Variants in KATNA1 observed in about 807,000 individuals in gnomAD.
KATNA1 encodes katanin catalytic subunit A1.
In KATNA1, 42 loss-of-function variants were observed where a neutral mutation model predicts 62.6. The observed-to-expected ratio is 0.67, with a 90% CI of 0.52 to 0.87. The LOEUF (loss-of-function observed/expected upper bound fraction) is 0.87, where lower values mean the gene tolerates loss of function less well. Among genes scored for constraint, KATNA1 ranks in the 40% least tolerant of loss-of-function variants. KATNA1 has a pLI of 0.00. For synonymous variants in KATNA1, 186 were observed against 201.9 expected, an observed-to-expected ratio of 0.92 and a Z score of 0.67; for missense variants, 498 against 612.5, an observed-to-expected ratio of 0.81 and a Z score of 1.97.
At chr6:149,647,379 G>C (rs1217108036) in intron 1 of KATNA1, among the ~76,000 whole-genome samples, 2 of 151,610 alleles carry the variant, frequency 1.3e-5, no homozygotes, top group Non-Finnish European at 2.9e-5. Context: ...AAAATTTGCC[G>C]CGCGTAGTGG....
rs768988181 is a variant in KATNA1, at chr6:149,632,875, A to G, written c.204T>C (p.Asp68=). The G allele has an allele frequency of 1.2e-6, 2 of 1,611,492 alleles. No individual in the cohort carries two copies. The highest frequency in any genetic ancestry group is 1.7e-5 in the Admixed American group (1 of 59,228). Residue 68 remains aspartate, a synonymous_variant, in exon 3 of 11, where the codon GAT becomes GAC. Coordinates refer to ENST00000367411, the MANE Select transcript of KATNA1 (RefSeq NM_007044.4). ...EINVEAKHVK[D]IMKTLESFKL... ...TAAAGCTCTCTAGTGTTTTCATGAT[A>G]TCTTTAACATGTTTAGCTTCCACAT...
At chr6:149,603,155 C>G (rs910997945) in intron 6 of KATNA1, 113 bp downstream of exon 6, 1 of 550,082 alleles carries the variant, frequency 1.8e-6, no homozygotes, top group Non-Finnish European at 3.3e-6. Flanking sequence ...TTAATTTAAA[C>G]ATTTCCTGAC....
intron 4 of KATNA1, among the ~76,000 whole-genome samples, chr6:149,609,382 G>C (rs1778858421): frequency 6.6e-6 from 1 of 150,562 alleles, no homozygotes; most frequent in Non-Finnish European, 1.5e-5. Context: ...AAAAAAAAAA[G>C]TATTTTTTCA....
intron 1 of KATNA1, 167 bp from the exon 2 acceptor site, chr6:149,638,727 A>AT (rs1780163447): frequency 5.3e-4 from 127 of 241,500 alleles, no homozygotes; most frequent in South Asian, 1.6e-3. Flanking sequence ...TAAAAAAAAC[A>AT]TTGTTTTTTT....
intron 3 of KATNA1, among the ~76,000 whole-genome samples, chr6:149,625,024 C>T (rs1278160834): frequency 1.3e-5 from 2 of 151,834 alleles, no homozygotes; most frequent in Non-Finnish European, 2.9e-5. Flanking sequence ...CAAAAATGAG[C>T]TTAATCCATG....
chr6:149,635,429 A>G (rs968622226), intron 2 of KATNA1, among the ~76,000 whole-genome samples: 1 of 152,240 alleles, frequency 6.6e-6, no homozygotes, highest in African/African-American at 2.4e-5. Context: ...GCCAAGGCCA[A>G]GTGCAGTGGC....
intron 10 of KATNA1, 141 bp from the exon 11 acceptor site, chr6:149,595,375 CTT>C (rs1214296270): frequency 3.7e-6 from 2 of 547,578 alleles, no homozygotes. Context: ...TGTATAGAAA[CTT>C]ATTGGAATAC....
intron 10 of KATNA1, among the ~76,000 whole-genome samples, chr6:149,596,428 G>A (rs752284996): frequency 5.9e-5 from 9 of 152,140 alleles, no homozygotes; most frequent in Non-Finnish European, 1.3e-4. Flanking sequence ...CCAGCTACTC[G>A]GGAGGCTGAG....
chr6:149,633,026 T>C (rs776588328), intron 2 of KATNA1, 110 bp from the exon 3 acceptor site: 42 of 735,728 alleles, frequency 5.7e-5, no homozygotes, highest in Non-Finnish European at 8.3e-5. Flanking sequence ...TGATATCAGA[T>C]ATCCAGTAAA....
At chr6:149,618,022 G>C (rs1430781996) in intron 4 of KATNA1, among the ~76,000 whole-genome samples, 1 of 147,416 alleles carries the variant, frequency 6.8e-6, no homozygotes, top group East Asian at 2.0e-4. Flanking sequence ...GGGCATGGTG[G>C]CACATGCCTG....
intron 2 of KATNA1, among the ~76,000 whole-genome samples, chr6:149,636,603 T>A (rs1780071495): frequency 6.6e-6 from 1 of 151,900 alleles, no homozygotes; most frequent in Admixed American, 6.6e-5. Flanking sequence ...ATCTGAGGTA[T>A]AATATTCTAT....
chr6:149,639,438 A>C (rs534440509), intron 1 of KATNA1, among the ~76,000 whole-genome samples: 3 of 151,534 alleles, frequency 2.0e-5, no homozygotes, highest in Non-Finnish European at 4.4e-5. Context: ...GTCTCTACTA[A>C]AAATACAAAA....
At chr6:149,624,356 C>T (rs1000780954) in intron 3 of KATNA1, among the ~76,000 whole-genome samples, 2 of 152,154 alleles carry the variant, frequency 1.3e-5, no homozygotes, top group African/African-American at 4.8e-5. Flanking sequence ...GTTACTAGAA[C>T]TCATGTTCAG....
At chr6:149,615,534 A>C (rs887679989) in intron 4 of KATNA1, among the ~76,000 whole-genome samples, 2 of 152,134 alleles carry the variant, frequency 1.3e-5, no homozygotes, top group East Asian at 3.9e-4. Context: ...AAAAAGACAG[A>C]TAGGCATATA....
chr6:149,604,833 G>C, intron 4 of KATNA1, 51 bp from the exon 5 acceptor site: 1 of 1,580,776 alleles, frequency 6.3e-7, no homozygotes, highest in Non-Finnish European at 8.6e-7. Context: ...TTTTGTTTCT[G>C]TGAGTCGGAA....
At position 149,626,292 on chromosome 6, in the gene KATNA1, C is replaced by CTTTTTTTTTTTTTT. The variant is rs544379629; in HGVS notation, c.321-3023_321-3010dup. Among the ~76,000 whole-genome samples the CTTTTTTTTTTTTTT allele has an allele frequency of 1.0e-3, 93 of 88,712 alleles. 16 individuals carry two copies. In the East Asian group the frequency reaches 0.013, roughly 12 times the overall value. 58.2% of individuals were successfully genotyped at this position (88,712 alleles called of 152,430 possible). On this transcript the variant is annotated intron_variant, in intron 3 of 10. Coordinates refer to ENST00000367411, the MANE Select transcript of KATNA1 (RefSeq NM_007044.4). ...GAAACAACTATTTATATAACATTTACTTTTTTTTTTTTTTTTTTTTGAGAC... is the reference window on the plus strand; with the variant it reads ...GAAACAACTATTTATATAACATTTACTTTTTTTTTTTTTTTTTTTTTTTTTTTTTTTTTTGAGAC...
In KATNA1 at chr6:149,638,740, T is replaced by TTG; in HGVS notation, c.-13-181_-13-180insCA. On this transcript the variant is annotated intron_variant, in intron 1 of 10. Coordinates refer to ENST00000367411, the MANE Select transcript of KATNA1 (RefSeq NM_007044.4). ...TTTAAAAAAAACATTGTTTTTTTTT[T>TTG]TTTTTTTTTTTTTTGAGACGGAGTC... 1.1e-5 allele frequency: 5 copies of TTG among 436,346 alleles called. No homozygotes were observed. In the South Asian group the frequency reaches 1.6e-4, roughly 14 times the overall value. The allele number at this position is 436,346 out of a possible 1,614,324, so 27.0% of individuals were successfully genotyped here.
chr6:149,597,380 A>C, intron 9 of KATNA1, 127 bp downstream of exon 9: 1 of 1,238,662 alleles, frequency 8.1e-7, no homozygotes. Context: ...TAGCCAAACT[A>C]GTACTGTAAA....
chr6:149,627,279 A>C (rs996679816), intron 3 of KATNA1, among the ~76,000 whole-genome samples: 3 of 151,812 alleles, frequency 2.0e-5, no homozygotes, highest in African/African-American at 7.3e-5. Context: ...ATGTGATCCC[A>C]GTACTTTGGG....
Sources: gnomAD v4.1 joint callset for allele counts (sites outside exome capture counted in the v4.1 genomes callset) on GRCh38, gnomAD v4.1.1 for gene constraint, MANE v1.5 for transcripts, NCBI Gene and HGNC (gene_info 2026-07-23, HGNC 2026-07-21) for gene names.